The following SLC16A7 variants were observed in gnomAD, a reference collection of about 807,000 sequenced individuals.
SLC16A7 encodes solute carrier family 16 member 7.
In SLC16A7, 33 loss-of-function variants were observed where a neutral mutation model predicts 34.9. The observed-to-expected ratio is 0.94, with a 90% CI of 0.72 to 1.26. The LOEUF (loss-of-function observed/expected upper bound fraction) is 1.26, where lower values mean the gene tolerates loss of function less well. SLC16A7 is among the 50% of genes most tolerant of loss of function. The probability of loss-of-function intolerance (pLI) is 0.00; values close to 1 mark genes in which losing one functional copy is unlikely to be tolerated. For missense variants in SLC16A7, 573 were observed against 578.1 expected (o/e 0.99, Z 0.09); for synonymous variants, 201 against 206.6 (o/e 0.97, Z 0.23).
chr12:59,620,206 C>T (rs963998280), intron 1 of SLC16A7, among the ~76,000 whole-genome samples: 3 of 151,618 alleles, frequency 2.0e-5, no homozygotes, highest in African/African-American at 7.3e-5. Flanking sequence ...TTGTTCCCTG[C>T]CTATGAAAAA....
At chr12:59,758,317 T>C (rs561777596) in intron 3 of SLC16A7, among the ~76,000 whole-genome samples, 2 of 152,238 alleles carry the variant, frequency 1.3e-5, no homozygotes, top group Non-Finnish European at 2.9e-5. Flanking sequence ...GATTTTAATT[T>C]ATTAAAGGAT....
At chr12:59,650,397 A>G (rs184239345) in intron 1 of SLC16A7, among the ~76,000 whole-genome samples, 12 of 152,258 alleles carry the variant, frequency 7.9e-5, no homozygotes, top group African/African-American at 2.9e-4. Flanking sequence ...TTCATGAAAG[A>G]TATTTCTTCT....
intron 3 of SLC16A7, chr12:59,761,303 T>C: frequency 4.6e-6 from 2 of 430,306 alleles, no homozygotes; most frequent in Non-Finnish European, 7.9e-6. Flanking sequence ...AGTCTGATGG[T>C]TAGGTTTCTA....
At chr12:59,757,332 C>T (rs887733199) in intron 3 of SLC16A7, among the ~76,000 whole-genome samples, 6 of 151,896 alleles carry the variant, frequency 4.0e-5, no homozygotes, top group African/African-American at 1.5e-4. Flanking sequence ...CAGCAAACCA[C>T]CATGGCACGT....
At chr12:59,687,409 T>C (rs990128217) in intron 2 of SLC16A7, among the ~76,000 whole-genome samples, 1 of 152,066 alleles carries the variant, frequency 6.6e-6, no homozygotes, top group Non-Finnish European at 1.5e-5. Flanking sequence ...CCAAATACAT[T>C]GTGTACATTT....
Position 59,596,343 on chromosome 12 carries a change from C to A in SLC16A7, c.-130+107C>A, listed in dbSNP as rs1348745083. Reference sequence around the variant, plus strand: ...GACCCGAGCTGCCCGCGGAGCCGCACGCGTGTGTGCAAATAATGGCCAGCC... The same window carrying A: ...GACCCGAGCTGCCCGCGGAGCCGCAAGCGTGTGTGCAAATAATGGCCAGCC... On this transcript the variant is annotated intron_variant, in intron 1 of 5. Transcript: ENST00000547379. The surrounding 1 kb of genome is among the most constrained non-coding windows in gnomAD (Gnocchi z 5.0). The A allele has an allele frequency of 6.6e-6, 1 of 152,450 alleles. No individual in the cohort carries two copies. The highest frequency in any genetic ancestry group is 6.5e-5 in the Admixed American group (1 of 15,286). The allele number at this position is 152,450 out of a possible 1,614,324, so 9.4% of individuals were successfully genotyped here. A position where few individuals can be genotyped will look rare whatever the true frequency, so the allele number is the denominator to read the frequency against.
At chr12:59,761,196 T>A (rs1316663847) in intron 3 of SLC16A7, 4 of 1,254,672 alleles carry the variant, frequency 3.2e-6, no homozygotes, top group Non-Finnish European at 4.2e-6. Flanking sequence ...ATCAGGATCA[T>A]GCCTAGGTAC....
intron 2 of SLC16A7, among the ~76,000 whole-genome samples, chr12:59,696,023 T>C (rs1410034419): frequency 6.6e-6 from 1 of 151,862 alleles, no homozygotes; most frequent in Non-Finnish European, 1.5e-5. Context: ...TCATTGTCAG[T>C]GGATATTTAA....
chr12:59,672,067 ATCCG>A (rs1188917138), intron 2 of SLC16A7, among the ~76,000 whole-genome samples: 1 of 12 alleles, frequency 0.083, no homozygotes, highest in Non-Finnish European at 0.25. Context: ...TATCGCATAT[ATCCG>A]TATATATATG....
At chr12:59,624,906 A>G (rs778928355) in intron 1 of SLC16A7, among the ~76,000 whole-genome samples, 3 of 151,728 alleles carry the variant, frequency 2.0e-5, no homozygotes, top group Non-Finnish European at 4.4e-5. Context: ...GTGGCTTGTT[A>G]CATGTACCCT....
chr12:59,611,711 A>G (rs527644783), intron 1 of SLC16A7, among the ~76,000 whole-genome samples: 5 of 152,278 alleles, frequency 3.3e-5, no homozygotes, highest in African/African-American at 9.6e-5. Flanking sequence ...TTCTATTAAT[A>G]GATACAATAG....
intron 3 of SLC16A7, among the ~76,000 whole-genome samples, chr12:59,747,969 G>A (rs772238177): frequency 1.8e-4 from 27 of 152,132 alleles, no homozygotes; most frequent in Admixed American, 3.3e-4. Context: ...TTGGGAGGCC[G>A]AGGAGGGCAG....
At chr12:59,722,469 A>C (rs902783075) in intron 3 of SLC16A7, among the ~76,000 whole-genome samples, 36 of 151,722 alleles carry the variant, frequency 2.4e-4, no homozygotes, top group African/African-American at 7.5e-4. Context: ...CCTACCTAAG[A>C]CTTCCCAACT....
chr12:59,752,395 C>A (rs992029546), intron 3 of SLC16A7, among the ~76,000 whole-genome samples: 7 of 152,164 alleles, frequency 4.6e-5, no homozygotes, highest in South Asian at 2.1e-4. Flanking sequence ...ATAACCAATA[C>A]AGAGAAGTGC....
intron 3 of SLC16A7, among the ~76,000 whole-genome samples, chr12:59,721,561 C>A (rs1457537507): frequency 6.6e-6 from 1 of 151,918 alleles, no homozygotes; most frequent in Non-Finnish European, 1.5e-5. Context: ...TTATTTAGAC[C>A]AATGTTACCT....
intron 3 of SLC16A7, among the ~76,000 whole-genome samples, chr12:59,727,170 A>ATATATATATATATATAAT (rs1555174538): frequency 6.9e-6 from 1 of 144,380 alleles, no homozygotes; most frequent in African/African-American, 2.7e-5. Context: ...ATATATATAT[A>ATATATATATATATATAAT]ATATATATAT....
At chr12:59,688,484 T>G (rs1305648773) in intron 2 of SLC16A7, among the ~76,000 whole-genome samples, 1 of 152,132 alleles carries the variant, frequency 6.6e-6, no homozygotes, top group African/African-American at 2.4e-5. Context: ...GCCTGCCAAA[T>G]GAAGACAATA....
At chr12:59,649,530 G>A (rs1376113778) in intron 1 of SLC16A7, among the ~76,000 whole-genome samples, 1 of 152,148 alleles carries the variant, frequency 6.6e-6, no homozygotes, top group African/African-American at 2.4e-5. Context: ...GGATGACAAT[G>A]TTCAAAGTTC....
intron 2 of SLC16A7, among the ~76,000 whole-genome samples, chr12:59,672,990 A>G (rs534495898): frequency 3.0e-4 from 46 of 152,266 alleles, no homozygotes; most frequent in African/African-American, 1.1e-3. Flanking sequence ...CTAGTCAGCT[A>G]TTTGACCTGA....
Sources: allele counts gnomAD v4.1 joint callset (sites outside exome capture counted in the v4.1 genomes callset), GRCh38; gene constraint gnomAD v4.1.1; non-coding constraint Gnocchi (gnomAD v3.1); transcripts MANE v1.5; gene names NCBI Gene and HGNC (gene_info 2026-07-23, HGNC 2026-07-21).